RPS6KC1: variants seen among roughly 807,000 people sequenced by gnomAD.
The protein encoded by RPS6KC1 is ribosomal protein S6 kinase C1.
Under a neutral mutation model 103.8 loss-of-function variants are expected in RPS6KC1, and 54 were observed. The observed-to-expected ratio is 0.52, with a 90% CI of 0.42 to 0.65. The LOEUF is 0.65. Ranked by LOEUF, RPS6KC1 falls within the 30% of genes least tolerant of loss-of-function variation. The pLI, the probability that RPS6KC1 is intolerant of heterozygous loss-of-function variation, is 0.00. For synonymous variants in RPS6KC1, 439 were observed against 438.7 expected (o/e 1.00, Z -0.01); for missense variants, 1,151 against 1,253.8 (o/e 0.92, Z 1.24).
At chr1:213,349,362 T>C in the RPS6KC1 span, among the ~76,000 whole-genome samples, 1 of 152,164 alleles carries the variant, frequency 6.6e-6, no homozygotes, top group South Asian at 2.1e-4. Context: ...TGGGGGACGG[T>C]AATGCATGAC....
the RPS6KC1 span, among the ~76,000 whole-genome samples, chr1:213,328,519 T>TATATATATATAC: frequency 1.8e-5 from 1 of 57,046 alleles, no homozygotes; most frequent in Non-Finnish European, 3.6e-5. Flanking sequence ...TATATATATA[T>TATATATATATAC]ATATATATAT....
At chr1:213,602,524 C>T in the RPS6KC1 span, among the ~76,000 whole-genome samples, 5,112 of 152,058 alleles carry the variant, frequency 0.034, 185 homozygotes, top group African/African-American at 0.086. Context: ...TGAGCCATTG[C>T]GCCCGGCCTG....
At chr1:213,685,753 A>G in the RPS6KC1 span, among the ~76,000 whole-genome samples, 1 of 152,222 alleles carries the variant, frequency 6.6e-6, no homozygotes, top group South Asian at 2.1e-4. Context: ...AGTTATTCCA[A>G]TGTAAGGGAT....
At position 213,216,458 on chromosome 1, in the gene RPS6KC1, T is replaced by G. The variant is rs1431911530; in HGVS notation, c.1045-14039T>G. 3.3e-5 allele frequency among the ~76,000 whole-genome samples: 5 copies of G among 152,148 alleles called. No individual in the cohort carries two copies. The East Asian group carries it at 9.6e-4, about 29-fold the overall frequency. The stretch of plus-strand genomic sequence containing the variant: ...CACCGCACTGTCAACATTAGACAGA[T>G]CAACAAGACAGAAAGTTAACAAGGA... On this transcript the variant is annotated intron_variant, in intron 8 of 14. Coordinates refer to ENST00000366960, the MANE Select transcript of RPS6KC1 (RefSeq NM_012424.6).
chr1:213,326,288 T>A, the RPS6KC1 span, among the ~76,000 whole-genome samples: 1 of 152,192 alleles, frequency 6.6e-6, no homozygotes, highest in Non-Finnish European at 1.5e-5. Flanking sequence ...AAATAAAAGT[T>A]ACATGTTGAA....
chr1:213,397,596 C>T, the RPS6KC1 span, among the ~76,000 whole-genome samples: 1 of 148,968 alleles, frequency 6.7e-6, no homozygotes, highest in Non-Finnish European at 1.5e-5. Flanking sequence ...CATACACACA[C>T]ACACACACAC....
the RPS6KC1 span, among the ~76,000 whole-genome samples, chr1:213,549,679 ACATCC>A: frequency 7.1e-6 from 1 of 141,180 alleles, no homozygotes; most frequent in Non-Finnish European, 1.5e-5. Context: ...GCCTCTAACA[ACATCC>A]CCTGTCCATC....
the RPS6KC1 span, among the ~76,000 whole-genome samples, chr1:213,468,267 G>A: frequency 2.0e-5 from 3 of 152,316 alleles, no homozygotes; most frequent in South Asian, 2.1e-4. Flanking sequence ...TGGAATATAC[G>A]TGTATACTTA....
the RPS6KC1 span, among the ~76,000 whole-genome samples, chr1:213,330,651 A>T: frequency 2.0e-5 from 3 of 152,162 alleles, no homozygotes; most frequent in Non-Finnish European, 4.4e-5. Context: ...ATAGAAAACC[A>T]CCCTGCGCCC....
chr1:213,854,918 A>G, the RPS6KC1 span, among the ~76,000 whole-genome samples: 1 of 152,184 alleles, frequency 6.6e-6, no homozygotes, highest in Admixed American at 6.5e-5. Context: ...TAGCCACAGA[A>G]ATTAATTTTC....
the RPS6KC1 span, among the ~76,000 whole-genome samples, chr1:213,704,420 G>T: frequency 1.4e-5 from 2 of 143,520 alleles, no homozygotes; most frequent in African/African-American, 2.6e-5. Context: ...AAACTCTGAT[G>T]TATTCTTCAG....
intron 12 of RPS6KC1, among the ~76,000 whole-genome samples, chr1:213,244,551 A>T (rs2094422875): frequency 3.9e-5 from 6 of 152,034 alleles, no homozygotes; most frequent in Admixed American, 3.9e-4. Flanking sequence ...ATTCTAGCAG[A>T]TTATTTTTCT....
At chr1:213,704,402 A>AC in the RPS6KC1 span, among the ~76,000 whole-genome samples, 7 of 150,826 alleles carry the variant, frequency 4.6e-5, no homozygotes, top group African/African-American at 1.5e-4. Flanking sequence ...AAAAAAAAAA[A>AC]AAAAAAAAAA....
rs6671235 is a variant in RPS6KC1 at position 213,178,569 on chromosome 1, A to C, written c.1044+2077A>C. ...AAAACAAACAAACAAACAAAAAAAA[A>C]CACAACAAAACAGGAAAGAAAGAAA... On this transcript the variant is annotated intron_variant, in intron 8 of 14. Transcript: ENST00000366960. 6.2e-3 allele frequency among the ~76,000 whole-genome samples: 940 copies of C among 152,110 alleles called. 10 individuals are homozygous for C. The highest frequency in any genetic ancestry group is 0.02 in the African/African-American group (831 of 41,494).
chr1:213,851,408 C>T, the RPS6KC1 span, among the ~76,000 whole-genome samples: 20 of 152,146 alleles, frequency 1.3e-4, no homozygotes, highest in Admixed American at 3.9e-4. Context: ...TTCTCTCTCT[C>T]TTTCCAGTCA....
the RPS6KC1 span, among the ~76,000 whole-genome samples, chr1:213,839,550 A>G: frequency 6.6e-6 from 1 of 152,206 alleles, no homozygotes; most frequent in South Asian, 2.1e-4. Context: ...GTTGAGAATG[A>G]GAAGAATGCC....
chr1:213,798,229 G>A, the RPS6KC1 span, among the ~76,000 whole-genome samples: 19 of 152,190 alleles, frequency 1.2e-4, no homozygotes, highest in Admixed American at 3.3e-4. Context: ...ACGCCCTGCC[G>A]TTAACTTCAA....
chr1:213,761,207 T>C, the RPS6KC1 span, among the ~76,000 whole-genome samples: 1 of 152,130 alleles, frequency 6.6e-6, no homozygotes, highest in East Asian at 1.9e-4. Context: ...GTTTTTACGC[T>C]GTTTGATTGA....
At chr1:213,232,289 A>G (rs1018619685) in intron 10 of RPS6KC1, 34 bp downstream of exon 10, 2 of 1,613,056 alleles carry the variant, frequency 1.2e-6, no homozygotes, top group African/African-American at 1.3e-5. Flanking sequence ...TATGCAGTGA[A>G]GAATGTCACC....
Sources: gnomAD v4.1 joint callset for allele counts (sites outside exome capture counted in the v4.1 genomes callset) on GRCh38, gnomAD v4.1.1 for gene constraint, MANE v1.5 for transcripts, NCBI Gene and HGNC (gene_info 2026-07-23, HGNC 2026-07-21) for gene names.